MYH15: variants seen among roughly 807,000 people sequenced by gnomAD.
MYH15 encodes the protein myosin heavy chain 15.
Under a neutral mutation model 240.5 loss-of-function variants are expected in MYH15, and 227 were observed. The ratio of observed to expected loss-of-function variants is 0.94; its 90% confidence interval spans 0.85 to 1.05. The LOEUF (loss-of-function observed/expected upper bound fraction) is 1.05, where lower values mean the gene tolerates loss of function less well. Among genes scored for constraint, MYH15 ranks in the 50% least tolerant of loss-of-function variants. The pLI is 0.00. For missense variants in MYH15, 2,217 were observed against 2,247.5 expected (o/e 0.99, Z 0.27); for synonymous variants, 785 against 796.7 (o/e 0.99, Z 0.25).
chr3:108,398,346 T>G (rs1447757785), intron 35 of MYH15, among the ~76,000 whole-genome samples: 2 of 152,202 alleles, frequency 1.3e-5, no homozygotes, highest in Non-Finnish European at 2.9e-5. Flanking sequence ...CCCTACAGGT[T>G]TCAGAGGGAG....
intron 1 of MYH15, among the ~76,000 whole-genome samples, chr3:108,517,881 C>T (rs2083586966): frequency 6.6e-6 from 1 of 152,146 alleles, no homozygotes; most frequent in African/African-American, 2.4e-5. Flanking sequence ...ACATGGACAA[C>T]AGAGATATAA....
upstream of MYH15, chr3:108,529,398 A>T (rs888003892): frequency 2.9e-6 from 2 of 698,212 alleles, no homozygotes; most frequent in African/African-American, 1.8e-5. Flanking sequence ...AAATCTGTGA[A>T]TAAAGAGGTG....
chr3:108,431,383 G>C (rs2082778100), intron 25 of MYH15, among the ~76,000 whole-genome samples: 1 of 152,196 alleles, frequency 6.6e-6, no homozygotes, highest in Non-Finnish European at 1.5e-5. Flanking sequence ...AGTCTTTGCT[G>C]TGCTGTTCTT....
chr3:108,488,850 T>TTTCAAAA (rs2083325690), intron 9 of MYH15, among the ~76,000 whole-genome samples: 1 of 152,224 alleles, frequency 6.6e-6, no homozygotes, highest in Non-Finnish European at 1.5e-5. Flanking sequence ...ATCTTTTGAG[T>TTTCAAAA]GACTTTCATA....
At chr3:108,483,236 AAAC>A (rs1308103526) in intron 11 of MYH15, among the ~76,000 whole-genome samples, 6 of 151,848 alleles carry the variant, frequency 4.0e-5, no homozygotes, top group South Asian at 4.2e-4. Flanking sequence ...CAAACTTGTC[AAAC>A]AACAACAAAA....
At chr3:108,391,989 T>G in intron 36 of MYH15, 59 bp from the exon 37 acceptor site, 2 of 1,571,536 alleles carry the variant, frequency 1.3e-6, no homozygotes, top group Non-Finnish European at 1.7e-6. Flanking sequence ...TTAACATTTT[T>G]ACCCATGATC....
At position 108,381,683 on chromosome 3, in the gene MYH15, T is replaced by C. The variant is rs532667143; in HGVS notation, c.5767-124A>G. 75 of 1,045,230 alleles carry C rather than the reference T, an allele frequency of 7.2e-5. No individual in the cohort carries two copies. The African/African-American group carries it at 1.1e-3, about 16-fold the overall frequency. 64.7% of individuals were successfully genotyped at this position (1,045,230 alleles called of 1,614,324 possible). A position where few individuals can be genotyped will look rare whatever the true frequency, so the allele number is the denominator to read the frequency against. ...AGGCCTTAGCCAACTCTTCATTAAC[T>C]TCAAAGGGAGGCAGGGAATTGAGGC... is the stretch of plus-strand genomic sequence containing the variant. On this transcript the variant is annotated intron_variant, in intron 40 of 40. Coordinates refer to ENST00000693548, the MANE Select transcript of MYH15 (RefSeq NM_014981.3).
chr3:108,446,070 C>T (rs1229130461), intron 21 of MYH15, among the ~76,000 whole-genome samples: 2 of 152,124 alleles, frequency 1.3e-5, no homozygotes, highest in Non-Finnish European at 2.9e-5. Context: ...TGCAAGCCTA[C>T]CCCCAGTGAC....
At chr3:108,398,546 C>A in intron 35 of MYH15, 91 bp downstream of exon 35, 4 of 1,225,690 alleles carry the variant, frequency 3.3e-6, no homozygotes, top group South Asian at 2.5e-5. Flanking sequence ...CTTAACAGGG[C>A]GACTGTGCAT....
intron 22 of MYH15, among the ~76,000 whole-genome samples, chr3:108,443,357 G>A (rs1325864439): frequency 6.6e-6 from 1 of 152,066 alleles, no homozygotes; most frequent in Non-Finnish European, 1.5e-5. Context: ...ATATTAAAAA[G>A]TAATAATAAT....
chr3:108,414,498 A>T, intron 29 of MYH15, 70 bp from the exon 30 acceptor site: 11 of 1,276,584 alleles, frequency 8.6e-6, no homozygotes, highest in South Asian at 3.2e-5. Flanking sequence ...AAGTAAGCTA[A>T]TTTTTTTTTT....
At chr3:108,536,368 A>C in the MYH15 span, among the ~76,000 whole-genome samples, 2 of 152,228 alleles carry the variant, frequency 1.3e-5, no homozygotes, top group African/African-American at 2.4e-5. Context: ...TTATTAGAAA[A>C]ACAGTTGTTC....
intron 21 of MYH15, among the ~76,000 whole-genome samples, chr3:108,450,548 G>C (rs1178910885): frequency 1.3e-5 from 2 of 152,162 alleles, no homozygotes; most frequent in Admixed American, 1.3e-4. Flanking sequence ...CCAGGGCATG[G>C]GGAAAATGAG....
chr3:108,541,592 T>G, the MYH15 span, among the ~76,000 whole-genome samples: 1,989 of 152,218 alleles, frequency 0.013, 21 homozygotes, highest in Non-Finnish European at 0.019. Flanking sequence ...AACACCATAA[T>G]GGTTGAAAAA....
At chr3:108,534,260 A>G (rs1470616134), upstream of MYH15, among the ~76,000 whole-genome samples, 2 of 152,212 alleles carry the variant, frequency 1.3e-5, no homozygotes, top group African/African-American at 2.4e-5. Flanking sequence ...ATATTATAAT[A>G]AAACCCAATG....
intron 35 of MYH15, among the ~76,000 whole-genome samples, chr3:108,395,434 G>A (rs1039166618): frequency 6.6e-6 from 1 of 152,158 alleles, no homozygotes; most frequent in African/African-American, 2.4e-5. Flanking sequence ...CTGAGAGATG[G>A]GGTGGAATTA....
chr3:108,508,551 T>C (rs1233713548), intron 1 of MYH15, among the ~76,000 whole-genome samples: 1 of 152,232 alleles, frequency 6.6e-6, no homozygotes, highest in Admixed American at 6.5e-5. Flanking sequence ...GACAATTAAA[T>C]ATCTTTTCCA....
At chr3:108,549,839 A>ATTTC in the MYH15 span, 1 of 151,892 alleles carries the variant, frequency 6.6e-6, no homozygotes, top group Admixed American at 6.6e-5. Flanking sequence ...TCATTCATTC[A>ATTTC]TTTCTTTCTT....
upstream of MYH15, among the ~76,000 whole-genome samples, chr3:108,510,844 A>C (rs931474747): frequency 1.3e-5 from 2 of 152,292 alleles, no homozygotes; most frequent in African/African-American, 4.8e-5. Flanking sequence ...GGGCCCATGA[A>C]AATGTTTAAT....
Sources: allele counts gnomAD v4.1 joint callset (sites outside exome capture counted in the v4.1 genomes callset), GRCh38; gene constraint gnomAD v4.1.1; transcripts MANE v1.5; gene names NCBI Gene and HGNC (gene_info 2026-07-23, HGNC 2026-07-21).